The following C2orf74 variants were observed in gnomAD, a reference collection of about 807,000 sequenced individuals.
The protein encoded by C2orf74 is uncharacterized protein C2orf74.
A neutral mutation model predicts 17.9 loss-of-function variants in C2orf74; 14 were observed. The ratio of observed to expected loss-of-function variants is 0.78; its 90% confidence interval spans 0.52 to 1.22. The LOEUF is 1.22. Among genes scored for constraint, C2orf74 ranks in the 50% most tolerant of loss-of-function variants. C2orf74 has a pLI of 0.00. For missense variants in C2orf74, 217 were observed against 218.4 expected (o/e 0.99, Z 0.04); for synonymous variants, 79 against 72.6 (o/e 1.09, Z -0.44).
chr2:61,154,891 C>T (rs1181705048), intron 1 of C2orf74, among the ~76,000 whole-genome samples: 1 of 150,414 alleles, frequency 6.6e-6, no homozygotes, highest in Admixed American at 6.6e-5. Context: ...CCCATCTCTA[C>T]TTAAAAAAAA....
At chr2:61,163,331 C>A in intron 4 of C2orf74, 99 bp downstream of exon 4, 1 of 1,325,820 alleles carries the variant, frequency 7.5e-7, no homozygotes, top group Non-Finnish European at 1.0e-6. Flanking sequence ...GATGGAGGAC[C>A]GGGCGGGTGG....
intron 1 of C2orf74, chr2:61,152,208 C>A (rs1333399730): frequency 2.0e-5 from 3 of 152,326 alleles, no homozygotes; most frequent in Non-Finnish European, 4.4e-5. Flanking sequence ...GGACTCTCTC[C>A]TTAAAGCTAC....
At chr2:61,160,477 T>G (rs2103641168), upstream of C2orf74, among the ~76,000 whole-genome samples, 1 of 151,918 alleles carries the variant, frequency 6.6e-6, no homozygotes, top group East Asian at 1.9e-4. Context: ...TCATTCCTTT[T>G]AAAGCTGAAT....
rs571584255 is a variant in C2orf74, at chr2:61,152,723, C to T, written c.-122+7527C>T. On this transcript the variant is annotated intron_variant, in intron 1 of 3. Transcript: ENST00000426997. ...ATTAGCTGGGCGTGGTGACACATGC[C>T]TGTAATCCCAGCTACTCGGTAGGCT... Among the ~76,000 whole-genome samples the T allele has an allele frequency of 6.0e-5, 9 of 151,178 alleles. No homozygotes were observed. The Admixed American group carries it at 6.0e-4, about 10-fold the overall frequency.
At chr2:61,158,053 G>T, upstream of C2orf74, 1 of 468,282 alleles carries the variant, frequency 2.1e-6, no homozygotes, top group South Asian at 1.6e-5. Flanking sequence ...TATGGAAGAG[G>T]CAATATCTGA....
intron 1 of C2orf74, among the ~76,000 whole-genome samples, chr2:61,154,566 A>C (rs1254061886): frequency 6.6e-6 from 1 of 152,202 alleles, no homozygotes; most frequent in African/African-American, 2.4e-5. Flanking sequence ...ATAATAGGGG[A>C]AACTGGGTGT....
intron 1 of C2orf74, among the ~76,000 whole-genome samples, chr2:61,149,695 C>T (rs941279846): frequency 3.3e-5 from 5 of 150,734 alleles, no homozygotes; most frequent in African/African-American, 7.3e-5. Flanking sequence ...TCTCCTGCCT[C>T]AGCCTCACAA....
chr2:61,148,436 C>T (rs1252821962), intron 1 of C2orf74, among the ~76,000 whole-genome samples: 2 of 152,110 alleles, frequency 1.3e-5, no homozygotes, highest in Non-Finnish European at 2.9e-5. Flanking sequence ...ATCTACCTGC[C>T]TCAGCCTCCC....
chr2:61,162,886 C>G lies in C2orf74; in HGVS notation c.140C>G (p.Thr47Arg). Residue 47 changes from threonine (T) to arginine (R), a missense_variant, in exon 3 of 5, where the codon ACA becomes AGA. Coordinates refer to ENST00000432605, the MANE Select transcript of C2orf74 (RefSeq NM_001143959.4). Reference sequence around the variant, plus strand: ...AAAGAGACAAAGAAAGTGCCTTGTACAGATGCAAACGGAGGTGTAGACTGT... The same window carrying G: ...AAAGAGACAAAGAAAGTGCCTTGTAGAGATGCAAACGGAGGTGTAGACTGT... ...KGKETKKVPC[T>R]DANGGVDCAA... The G allele has an allele frequency of 1.3e-6, 2 of 1,552,472 alleles. No homozygotes were observed. The highest frequency in any genetic ancestry group is 1.7e-6 in the Non-Finnish European group (2 of 1,147,148).
intron 1 of C2orf74, among the ~76,000 whole-genome samples, chr2:61,153,163 A>C (rs1685289221): frequency 6.6e-6 from 1 of 152,088 alleles, no homozygotes; most frequent in African/African-American, 2.4e-5. Flanking sequence ...AAAAAAAAAA[A>C]AAAACAACAT....
intron 1 of C2orf74, among the ~76,000 whole-genome samples, chr2:61,145,645 A>G (rs563902882): frequency 6.6e-6 from 1 of 152,086 alleles, no homozygotes; most frequent in East Asian, 1.9e-4. Flanking sequence ...CTGGTCTCGA[A>G]CTCCTGACCT....
At chr2:61,160,551 C>T (rs1573720826), upstream of C2orf74, among the ~76,000 whole-genome samples, 9 of 152,006 alleles carry the variant, frequency 5.9e-5, no homozygotes, top group Admixed American at 5.9e-4. Context: ...CTCTGTCACC[C>T]AGGCTGGAGT....
upstream of C2orf74, chr2:61,159,226 G>C (rs1233469971): frequency 3.1e-6 from 1 of 318,656 alleles, no homozygotes; most frequent in African/African-American, 2.2e-5. Flanking sequence ...TCAATCTCCT[G>C]ACCTTGTGAT....
chr2:61,151,027 G>T (rs1393285708), intron 1 of C2orf74, among the ~76,000 whole-genome samples: 1 of 152,018 alleles, frequency 6.6e-6, no homozygotes, highest in Non-Finnish European at 1.5e-5. Context: ...TTTTTAAGAT[G>T]TCAAAACAGA....
intron 4 of C2orf74, 65 bp downstream of exon 4, chr2:61,163,297 C>G (rs1337703566): frequency 3.1e-5 from 46 of 1,477,430 alleles, no homozygotes; most frequent in Non-Finnish European, 3.9e-5. Flanking sequence ...AAGGTACATT[C>G]CTCAGCTAGG....
chr2:61,164,061 A>G (rs1043583457), intron 4 of C2orf74, among the ~76,000 whole-genome samples: 2 of 151,482 alleles, frequency 1.3e-5, no homozygotes, highest in African/African-American at 4.9e-5. Context: ...ATACCCTCCC[A>G]CCCCATGGCC....
At position 61,164,644 on chromosome 2, in the gene C2orf74, T is replaced by G. The variant is rs1685676267; in HGVS notation, c.*117T>G. On this transcript the variant is annotated 3_prime_UTR_variant, in exon 5 of 5. Transcript: ENST00000432605. ...ATGGGGAATTAAGCAAATAAAGATA[T>G]TATTTTACCTTTGTGCAGAAAGGAG... 1.2e-6 allele frequency: 1 copy of G among 865,966 alleles called. No individual in the cohort carries two copies. The highest frequency in any genetic ancestry group is 3.1e-5 in the East Asian group (1 of 32,626). The allele number at this position is 865,966 out of a possible 1,614,324, so 53.6% of individuals were successfully genotyped here. A position where few individuals can be genotyped will look rare whatever the true frequency, so the allele number is the denominator to read the frequency against.
upstream of C2orf74, among the ~76,000 whole-genome samples, chr2:61,160,441 T>C (rs1274855012): frequency 6.6e-6 from 1 of 150,780 alleles, no homozygotes; most frequent in Non-Finnish European, 1.5e-5. Flanking sequence ...TAAATAGGCA[T>C]GAGCCACTGC....
intron 1 of C2orf74, among the ~76,000 whole-genome samples, chr2:61,154,498 A>G (rs889716557): frequency 2.0e-5 from 3 of 152,190 alleles, no homozygotes; most frequent in African/African-American, 7.2e-5. Flanking sequence ...GTTAATAATA[A>G]TTTATCAGTA....
Sources: allele counts gnomAD v4.1 joint callset (sites outside exome capture counted in the v4.1 genomes callset), GRCh38; gene constraint gnomAD v4.1.1; transcripts MANE v1.5; gene names NCBI Gene and HGNC (gene_info 2026-07-23, HGNC 2026-07-21).